ANGPT1: variants seen among roughly 807,000 people sequenced by gnomAD.
The protein encoded by ANGPT1 is angiopoietin-1.
A neutral mutation model predicts 62.2 loss-of-function variants in ANGPT1; 17 were observed. The ratio of observed to expected loss-of-function variants is 0.27; its 90% CI spans 0.19 to 0.41. The LOEUF is 0.41. ANGPT1 is among the 10% of genes least tolerant of loss of function. The pLI, the probability that ANGPT1 is intolerant of heterozygous loss-of-function variation, is 1.00. For synonymous variants in ANGPT1, 199 were observed against 198.9 expected (o/e 1.00, Z 0.00); for missense variants, 478 against 594.9 (o/e 0.80, Z 2.04).
intron 1 of ANGPT1, among the ~76,000 whole-genome samples, chr8:107,448,138 T>C (rs932976726): frequency 4.6e-5 from 7 of 152,174 alleles, no homozygotes; most frequent in Non-Finnish European, 8.8e-5. Context: ...TATGGTATGT[T>C]CTCCATAACT....
At chr8:107,324,043 T>C (rs2130071966) in intron 3 of ANGPT1, among the ~76,000 whole-genome samples, 1 of 151,854 alleles carries the variant, frequency 6.6e-6, no homozygotes, top group South Asian at 2.1e-4. Context: ...CCTCCCAAAG[T>C]GCTGGGATTA....
chr8:107,423,305 T>G (rs1810942228), intron 1 of ANGPT1, among the ~76,000 whole-genome samples: 1 of 152,224 alleles, frequency 6.6e-6, no homozygotes, highest in Non-Finnish European at 1.5e-5. Context: ...TGTGCCCGCA[T>G]GGTTGCACCA....
chr8:107,495,304 G>A (rs1813063688), intron 1 of ANGPT1, among the ~76,000 whole-genome samples: 2 of 152,170 alleles, frequency 1.3e-5, no homozygotes, highest in South Asian at 4.1e-4. Flanking sequence ...ACACTTGAAA[G>A]GGTGAATGTA....
At chr8:107,297,223 T>G (rs1814437055) in intron 5 of ANGPT1, among the ~76,000 whole-genome samples, 1 of 152,030 alleles carries the variant, frequency 6.6e-6, no homozygotes, top group Non-Finnish European at 1.5e-5. Flanking sequence ...TTCCCAATTC[T>G]TATGCAGACT....
chr8:107,303,371 C>CAAAAAAAAAA lies in ANGPT1; in HGVS notation c.809-14_809-5dup, dbSNP rs149628829. 1 of 1,219,544 alleles carries CAAAAAAAAAA rather than the reference C, an allele frequency of 8.2e-7. No individual in the cohort carries two copies. The allele number at this position is 1,219,544 out of a possible 1,614,324, so 75.5% of individuals were successfully genotyped here. A position where few individuals can be genotyped will look rare whatever the true frequency, so the allele number is the denominator to read the frequency against. On this transcript the variant is annotated splice_region_variant and splice_polypyrimidine_tract_variant and intron_variant, in intron 4 of 8. Transcript: ENST00000517746. ...CTTTTTCCTCCCTTTAGTAAAACTG[C>CAAAAAAAAAA]AAAAAAAAAAAAAAAGATTGCAATA...
chr8:107,361,031 A>C (rs560053544), intron 1 of ANGPT1, among the ~76,000 whole-genome samples: 1 of 152,214 alleles, frequency 6.6e-6, no homozygotes, highest in Admixed American at 6.6e-5. Flanking sequence ...TTACTCAACC[A>C]AAACAGAGAC....
At chr8:107,371,573 C>CTTTTTT (rs5893851) in intron 1 of ANGPT1, among the ~76,000 whole-genome samples, 1 of 102,146 alleles carries the variant, frequency 9.8e-6, no homozygotes, top group Non-Finnish European at 1.9e-5. Flanking sequence ...GCTGAGCATT[C>CTTTTTT]TTTTTTTTTT....
chr8:107,432,454 G>A (rs1390145492), intron 1 of ANGPT1, among the ~76,000 whole-genome samples: 1 of 152,136 alleles, frequency 6.6e-6, no homozygotes, highest in African/African-American at 2.4e-5. Flanking sequence ...CACGAGGTCA[G>A]GAGATCGAGA....
chr8:107,338,539 TAC>T (rs1224404538), intron 2 of ANGPT1, among the ~76,000 whole-genome samples: 1 of 152,240 alleles, frequency 6.6e-6, no homozygotes, highest in East Asian at 1.9e-4. Context: ...GACTCATTTA[TAC>T]AGTCATTAGT....
intron 8 of ANGPT1, among the ~76,000 whole-genome samples, chr8:107,253,017 A>G (rs574693856): frequency 1.2e-4 from 19 of 152,318 alleles, no homozygotes; most frequent in African/African-American, 4.6e-4. Context: ...CATGAGCACA[A>G]TCTTGCAGAA....
At chr8:107,285,065 C>A (rs1448053442) in intron 6 of ANGPT1, among the ~76,000 whole-genome samples, 1 of 152,102 alleles carries the variant, frequency 6.6e-6, no homozygotes, top group Non-Finnish European at 1.5e-5. Flanking sequence ...AATAAAACCT[C>A]TGTTATTCAA....
intron 1 of ANGPT1, among the ~76,000 whole-genome samples, chr8:107,437,823 A>G (rs1258318041): frequency 1.3e-5 from 2 of 152,078 alleles, no homozygotes; most frequent in African/African-American, 4.8e-5. Context: ...AAAAAATAAG[A>G]AAAAGAAAAA....
At position 107,324,031 on chromosome 8, in the gene ANGPT1, G is replaced by A. The variant is rs62512846; in HGVS notation, c.576-1903C>T. 7.6e-3 allele frequency among the ~76,000 whole-genome samples: 1,148 copies of A among 151,434 alleles called. 6 individuals carry two copies. Among genetic ancestry groups the A allele is most frequent in the Non-Finnish European group, 0.011 (746 of 67,870 alleles). ...CCTGACCTTGTGATCTGCCCGCCTC[G>A]GCCTCCCAAAGTGCTGGGATTACAG... is the stretch of plus-strand genomic sequence containing the variant. On this transcript the variant is annotated intron_variant, in intron 3 of 8. Coordinates refer to ENST00000517746, the MANE Select transcript of ANGPT1 (RefSeq NM_001146.5).
intron 7 of ANGPT1, among the ~76,000 whole-genome samples, chr8:107,272,925 G>A (rs949823948): frequency 6.8e-6 from 1 of 147,262 alleles, no homozygotes; most frequent in African/African-American, 2.5e-5. Flanking sequence ...AATGAATCAC[G>A]TGACACCAAG....
At position 107,412,248 on chromosome 8, in the gene ANGPT1, T is replaced by C. The variant is rs141524240; in HGVS notation, c.298-65151A>G. 7.0e-3 allele frequency among the ~76,000 whole-genome samples: 1,068 copies of C among 152,250 alleles called. 14 individuals are homozygous for C. Among genetic ancestry groups the C allele is most frequent in the Admixed American group, 0.034 (520 of 15,276 alleles). On this transcript the variant is annotated intron_variant, in intron 1 of 8. Coordinates refer to ENST00000517746, the MANE Select transcript of ANGPT1 (RefSeq NM_001146.5). The stretch of plus-strand genomic sequence containing the variant: ...AAAAGTGACCTAAATTGCATGTCCA[T>C]ACTGAAGCCAAACATTGCTAAGAAT...
intron 1 of ANGPT1, among the ~76,000 whole-genome samples, chr8:107,435,765 G>A (rs768572444): frequency 5.3e-5 from 8 of 152,162 alleles, no homozygotes; most frequent in African/African-American, 7.2e-5. Context: ...ACCATGTGCC[G>A]GGGATGACGA....
intron 1 of ANGPT1, among the ~76,000 whole-genome samples, chr8:107,423,823 C>G (rs1293359012): frequency 1.0e-5 from 1 of 100,334 alleles, no homozygotes; most frequent in Non-Finnish European, 2.0e-5. Flanking sequence ...TTTCCTTTTC[C>G]TTTCTTTTTT....
chr8:107,474,234 A>T, intron 1 of ANGPT1, among the ~76,000 whole-genome samples: 1 of 152,064 alleles, frequency 6.6e-6, no homozygotes. Context: ...AAGCTTATCC[A>T]CCATGATCAA....
chr8:107,377,421 G>T (rs1444717819), intron 1 of ANGPT1, among the ~76,000 whole-genome samples: 1 of 152,160 alleles, frequency 6.6e-6, no homozygotes, highest in Non-Finnish European at 1.5e-5. Context: ...TCTGCCATGT[G>T]TGCTGGGCAA....
Sources: allele counts gnomAD v4.1 joint callset (sites outside exome capture counted in the v4.1 genomes callset), GRCh38; gene constraint gnomAD v4.1.1; transcripts MANE v1.5; gene names NCBI Gene and HGNC (gene_info 2026-07-23, HGNC 2026-07-21).